ZNF678: variants seen among roughly 807,000 people sequenced by gnomAD.
ZNF678 encodes hypothetical protein MGC42493.
A neutral mutation model predicts 3.0 loss-of-function variants in ZNF678; 5 were observed. The ratio of observed to expected loss-of-function variants is 1.69; its 90% confidence interval spans 0.88 to 3.56. The LOEUF (loss-of-function observed/expected upper bound fraction) is 3.56. Ranked by LOEUF, ZNF678 falls within the 30% of genes most tolerant of loss-of-function variation. The probability of loss-of-function intolerance (pLI) is 0.00; values close to 1 mark genes in which losing one functional copy is unlikely to be tolerated. For synonymous variants in ZNF678, 218 were observed against 199.6 expected (o/e 1.09, Z -0.78); for missense variants, 593 against 605.0 (o/e 0.98, Z 0.21).
chr1:227,669,518 G>A (rs7553531), intron 5 of ZNF678, among the ~76,000 whole-genome samples: 32,824 of 151,536 alleles, frequency 0.22, 3,937 homozygotes, highest in African/African-American at 0.32. Flanking sequence ...GTGCGGTGGC[G>A]TGCGCCTGTA....
At chr1:227,567,419 AAAG>A (rs1188809378) in intron 1 of ZNF678, among the ~76,000 whole-genome samples, 1 of 152,180 alleles carries the variant, frequency 6.6e-6, no homozygotes, top group African/African-American at 2.4e-5. Flanking sequence ...TGAGCCTGCA[AAAG>A]AAGGTCATTG....
intron 1 of ZNF678, among the ~76,000 whole-genome samples, chr1:227,615,886 G>A (rs1658130336): frequency 6.6e-6 from 1 of 152,108 alleles, no homozygotes. Context: ...CTCACCATTG[G>A]TAAGTCTGCC....
chr1:227,623,629 T>C (rs967242597), intron 1 of ZNF678, among the ~76,000 whole-genome samples: 1 of 152,228 alleles, frequency 6.6e-6, no homozygotes, highest in African/African-American at 2.4e-5. Context: ...ATGTTCAATA[T>C]TTTATACTAA....
intron 1 of ZNF678, among the ~76,000 whole-genome samples, chr1:227,628,873 G>A (rs1232148901): frequency 1.3e-5 from 2 of 152,236 alleles, no homozygotes; most frequent in African/African-American, 4.8e-5. Flanking sequence ...GAGATATTGG[G>A]TTTGAAGGAT....
At position 227,566,312 on chromosome 1, in the gene ZNF678, A is replaced by G. The variant is rs540140916; in HGVS notation, c.-164+2588A>G. On this transcript the variant is annotated intron_variant, in intron 1 of 3. Transcript: ENST00000343776. ...CTTAGACATTCTCCCCCAACCCCCA[A>G]TTTCATTGCCTGGAGACACATCAGT... is the stretch of plus-strand genomic sequence containing the variant. Among the ~76,000 whole-genome samples the G allele has an allele frequency of 2.6e-5, 4 of 152,290 alleles. No individual in the cohort carries two copies. The East Asian group carries it at 7.7e-4, about 29-fold the overall frequency.
intron 1 of ZNF678, among the ~76,000 whole-genome samples, chr1:227,603,275 C>T (rs758133749): frequency 6.6e-6 from 1 of 152,168 alleles, no homozygotes; most frequent in Admixed American, 6.6e-5. Context: ...GAATCAGGTA[C>T]AATCCCTGGA....
intron 1 of ZNF678, among the ~76,000 whole-genome samples, chr1:227,580,239 C>G (rs1657091192): frequency 1.3e-5 from 2 of 152,082 alleles, no homozygotes; most frequent in Admixed American, 6.6e-5. Flanking sequence ...CTCTGAAGAT[C>G]TGTTAAAAGC....
intron 1 of ZNF678, among the ~76,000 whole-genome samples, chr1:227,570,713 C>T (rs1280223950): frequency 6.6e-6 from 1 of 151,862 alleles, no homozygotes; most frequent in Admixed American, 6.6e-5. Flanking sequence ...AAGTAGGGAA[C>T]TCCTATTCCA....
At chr1:227,578,648 T>G (rs1450627331) in intron 1 of ZNF678, among the ~76,000 whole-genome samples, 1 of 152,254 alleles carries the variant, frequency 6.6e-6, no homozygotes, top group Non-Finnish European at 1.5e-5. Context: ...CATTGTTTTG[T>G]CATGATTTTT....
At chr1:227,598,734 C>A in intron 1 of ZNF678, 1 of 525,018 alleles carries the variant, frequency 1.9e-6, no homozygotes. Flanking sequence ...TGACATGGAG[C>A]TTTCAGAAGA....
intron 1 of ZNF678, among the ~76,000 whole-genome samples, chr1:227,610,048 A>G (rs181748171): frequency 6.6e-6 from 1 of 152,286 alleles, no homozygotes; most frequent in East Asian, 1.9e-4. Context: ...TCACTTTTTA[A>G]AAAGTTTTTC....
intron 1 of ZNF678, among the ~76,000 whole-genome samples, chr1:227,574,950 G>A (rs887783665): frequency 1.3e-5 from 2 of 151,936 alleles, no homozygotes; most frequent in African/African-American, 4.8e-5. Context: ...GTTTTTTGTT[G>A]TTGTTGTTGT....
At chr1:227,587,156 A>G (rs138240500) in intron 1 of ZNF678, among the ~76,000 whole-genome samples, 37 of 152,300 alleles carry the variant, frequency 2.4e-4, no homozygotes, top group Admixed American at 1.5e-3. Context: ...CTTGTGTGTG[A>G]TGTTTGCCAG....
chr1:227,608,805 A>G (rs1450372510), intron 1 of ZNF678, among the ~76,000 whole-genome samples: 1 of 152,214 alleles, frequency 6.6e-6, no homozygotes, highest in Non-Finnish European at 1.5e-5. Flanking sequence ...GTAAATCTAG[A>G]GAAGGATCTA....
intron 1 of ZNF678, among the ~76,000 whole-genome samples, chr1:227,577,519 T>C (rs868775487): frequency 3.3e-5 from 5 of 152,252 alleles, no homozygotes; most frequent in African/African-American, 9.6e-5. Context: ...TGATCTTTGT[T>C]GGTTTAAAAT....
chr1:227,641,770 A>C (rs200777588), intron 1 of ZNF678, among the ~76,000 whole-genome samples: 2 of 152,170 alleles, frequency 1.3e-5, no homozygotes, highest in East Asian at 3.8e-4. Context: ...AAAAAAAAAA[A>C]AACTTCACAA....
At chr1:227,670,172 A>G (rs1417162248) in intron 5 of ZNF678, among the ~76,000 whole-genome samples, 1 of 152,216 alleles carries the variant, frequency 6.6e-6, no homozygotes, top group Non-Finnish European at 1.5e-5. Context: ...CTAGGAGAGT[A>G]GGAAGAGAGA....
chr1:227,635,444 T>G (rs1172024330), intron 1 of ZNF678, among the ~76,000 whole-genome samples: 6 of 152,038 alleles, frequency 3.9e-5, no homozygotes, highest in Admixed American at 3.9e-4. Flanking sequence ...TATAGGCAGT[T>G]CAGTTTTTTG....
In ZNF678 at chr1:227,592,470, G is replaced by A. The variant is rs59384792; in HGVS notation, c.-164+28746G>A. Among the ~76,000 whole-genome samples, 785 of 152,332 alleles carry A rather than the reference G, an allele frequency of 5.2e-3. 23 individuals are homozygous for A. In the East Asian group the frequency reaches 0.054, roughly 11 times the overall value. ...TACAGTCTGGGTTAAAACTTCAACTGCCATTTTTCTTTTTCTGACACATAG... is the reference window on the plus strand; with the variant it reads ...TACAGTCTGGGTTAAAACTTCAACTACCATTTTTCTTTTTCTGACACATAG... On this transcript the variant is annotated intron_variant, in intron 1 of 3. Coordinates refer to ENST00000343776, the MANE Select transcript of ZNF678 (RefSeq NM_001367909.1).
Sources: gnomAD v4.1 joint callset for allele counts (sites outside exome capture counted in the v4.1 genomes callset) on GRCh38, gnomAD v4.1.1 for gene constraint, MANE v1.5 for transcripts, NCBI Gene and HGNC (gene_info 2026-07-23, HGNC 2026-07-21) for gene names.